Variants in ADAMTSL1 observed in about 807,000 individuals in gnomAD.
The protein encoded by ADAMTSL1 is ADAMTS like 1, also known as ADAMTS-like protein 1.
Under a neutral mutation model 201.8 loss-of-function variants are expected in ADAMTSL1, and 126 were observed. That is an observed-to-expected ratio of 0.62 (90% confidence interval 0.54 to 0.72). The LOEUF is 0.72. ADAMTSL1 is among the 30% of genes least tolerant of loss of function. ADAMTSL1 has a pLI of 0.00. For synonymous variants in ADAMTSL1, 1,121 were observed against 903.4 expected, an observed-to-expected ratio of 1.24 and a Z score of -4.32; for missense variants, 2,679 against 2,277.8, an observed-to-expected ratio of 1.18 and a Z score of -3.59.
At chr9:17,959,316 ATTTTGGCGT>A (rs1817629493) in intron 1 of ADAMTSL1, among the ~76,000 whole-genome samples, 1 of 152,036 alleles carries the variant, frequency 6.6e-6, no homozygotes. Flanking sequence ...GAGGTCTGCT[ATTTTGGCGT>A]TTTTGTATGA....
chr9:18,177,365 G>A (rs568242314), intron 2 of ADAMTSL1, among the ~76,000 whole-genome samples: 1 of 152,268 alleles, frequency 6.6e-6, no homozygotes, highest in East Asian at 1.9e-4. Context: ...TTAACTTCCT[G>A]GCAATTAATA....
chr9:18,190,261 G>T lies in ADAMTSL1; in HGVS notation c.207+26280G>T, dbSNP rs139438042. Among the ~76,000 whole-genome samples, 7 of 152,278 alleles carry T rather than the reference G, an allele frequency of 4.6e-5. No homozygotes were observed. In the East Asian group the frequency reaches 1.4e-3, roughly 29 times the overall value. ...CAGCTTATTTTCATAAGGATATCAT[G>T]ATGTGTGTGTGTATTTTAAGTGGAA... On this transcript the variant is annotated intron_variant, in intron 2 of 29. Coordinates refer to the ADAMTSL1 transcript ENST00000680146.
At chr9:18,141,955 A>C (rs1826416819) in intron 1 of ADAMTSL1, among the ~76,000 whole-genome samples, 1 of 152,202 alleles carries the variant, frequency 6.6e-6, no homozygotes, top group Non-Finnish European at 1.5e-5. Flanking sequence ...AGTACTTCCC[A>C]GGGCTGTGGC....
At chr9:18,902,132 A>G (rs2131607666) in intron 26 of ADAMTSL1, among the ~76,000 whole-genome samples, 1 of 152,350 alleles carries the variant, frequency 6.6e-6, no homozygotes, top group South Asian at 2.1e-4. Context: ...ACATTGACAG[A>G]ATTGATGGGA....
At chr9:18,387,115 T>C (rs890671130) in intron 2 of ADAMTSL1, among the ~76,000 whole-genome samples, 3 of 152,074 alleles carry the variant, frequency 2.0e-5, no homozygotes, top group Non-Finnish European at 4.4e-5. Context: ...TTTTATGTAT[T>C]TTTATAGATA....
chr9:18,779,021 A>C (rs1477756348), intron 19 of ADAMTSL1, among the ~76,000 whole-genome samples: 1 of 152,246 alleles, frequency 6.6e-6, no homozygotes, highest in Non-Finnish European at 1.5e-5. Flanking sequence ...GTAAGGAAGG[A>C]AAGAAGCCAG....
chr9:18,713,862 C>T (rs987301438), intron 14 of ADAMTSL1, among the ~76,000 whole-genome samples: 2 of 148,390 alleles, frequency 1.3e-5, no homozygotes, highest in African/African-American at 4.9e-5. Flanking sequence ...AAGCTCTCCT[C>T]AGCAAATGTA....
Position 18,574,241 on chromosome 9 carries a change from A to C in ADAMTSL1, c.449A>C (p.Asp150Ala). 6.2e-7 allele frequency: 1 copy of C among 1,614,102 alleles called. No homozygotes were observed. The highest frequency in any genetic ancestry group is 1.6e-4 in the Middle Eastern group (1 of 6,062). Reference protein sequence around the residue: ...DGTRCYTESLDMCISGLCQIV... With the variant: ...DGTRCYTESLAMCISGLCQIV... ...ACGCGTTGCTATACAGAATCTTTGG[A>C]TATGTGCATCAGTGGTTTATGCCAA... The change falls in exon 4 of 29, where the codon GAT (aspartate) becomes GCT (alanine). Residue 150 changes from aspartate to alanine, a missense_variant. Physicochemically the swap from Asp to Ala is moderately radical, Grantham distance 126. Transcript: ENST00000380548.
intron 2 of ADAMTSL1, among the ~76,000 whole-genome samples, chr9:18,358,179 A>T (rs1836340275): frequency 6.6e-6 from 1 of 152,216 alleles, no homozygotes; most frequent in African/African-American, 2.4e-5. Flanking sequence ...TAAGTGAGAA[A>T]TATATTAGGT....
intron 1 of ADAMTSL1, among the ~76,000 whole-genome samples, chr9:18,045,452 A>C (rs1190891803): frequency 2.0e-5 from 3 of 152,170 alleles, no homozygotes; most frequent in African/African-American, 4.8e-5. Flanking sequence ...ATTTAGCAAG[A>C]AAGAAAAAAA....
chr9:18,448,217 T>C (rs1248065609), intron 2 of ADAMTSL1, among the ~76,000 whole-genome samples: 1 of 152,114 alleles, frequency 6.6e-6, no homozygotes, highest in African/African-American at 2.4e-5. Context: ...TCAGGAAGAA[T>C]GTTAAGGAGG....
At chr9:18,879,496 A>C (rs536015294) in intron 23 of ADAMTSL1, among the ~76,000 whole-genome samples, 1 of 152,318 alleles carries the variant, frequency 6.6e-6, no homozygotes, top group South Asian at 2.1e-4. Flanking sequence ...CACTGCAATA[A>C]AGCATATACT....
intron 20 of ADAMTSL1, among the ~76,000 whole-genome samples, chr9:18,807,506 G>T (rs553723991): frequency 2.0e-5 from 3 of 152,206 alleles, no homozygotes; most frequent in Admixed American, 1.3e-4. Context: ...TTAGCCGGGC[G>T]CAGTGGCAGG....
chr9:18,006,919 C>T (rs867938359), intron 1 of ADAMTSL1, among the ~76,000 whole-genome samples: 36 of 152,004 alleles, frequency 2.4e-4, no homozygotes, highest in Admixed American at 2.0e-4. Context: ...ATCATTAGAT[C>T]GTTTGTCTAG....
intron 2 of ADAMTSL1, among the ~76,000 whole-genome samples, chr9:18,212,512 G>A (rs1829916440): frequency 6.6e-6 from 1 of 152,196 alleles, no homozygotes; most frequent in Non-Finnish European, 1.5e-5. Flanking sequence ...CAGATCTGTA[G>A]TGCTGGTCTT....
intron 22 of ADAMTSL1, 71 bp from the exon 23 acceptor site, chr9:18,829,772 C>T: frequency 6.3e-7 from 1 of 1,589,012 alleles, no homozygotes. Flanking sequence ...ACATGCATAC[C>T]CACCTCTTCC....
chr9:18,610,612 G>A (rs1248002606), intron 4 of ADAMTSL1, among the ~76,000 whole-genome samples: 1 of 152,148 alleles, frequency 6.6e-6, no homozygotes, highest in Non-Finnish European at 1.5e-5. Context: ...CACTGTCAAA[G>A]AAGTTTCAAA....
At chr9:18,329,296 T>C (rs1215537260) in intron 2 of ADAMTSL1, among the ~76,000 whole-genome samples, 1 of 152,142 alleles carries the variant, frequency 6.6e-6, no homozygotes, top group Non-Finnish European at 1.5e-5. Flanking sequence ...TTTTTTATAA[T>C]ACACCCTAGT....
chr9:17,920,354 C>T (rs889809634), intron 1 of ADAMTSL1, among the ~76,000 whole-genome samples: 6 of 152,242 alleles, frequency 3.9e-5, no homozygotes, highest in Admixed American at 2.6e-4. Context: ...ACTAAGACTT[C>T]GCTTCTTTTA....
Sources: allele counts gnomAD v4.1 joint callset (sites outside exome capture counted in the v4.1 genomes callset), GRCh38; gene constraint gnomAD v4.1.1; transcripts MANE v1.5; gene names NCBI Gene and HGNC (gene_info 2026-07-23, HGNC 2026-07-21).